VEPH1: variants seen among roughly 807,000 people sequenced by gnomAD.
VEPH1 encodes the protein ventricular zone expressed PH domain containing 1.
Under a neutral mutation model 85.2 loss-of-function variants are expected in VEPH1, and 80 were observed. The ratio of observed to expected loss-of-function variants is 0.94; its 90% CI spans 0.78 to 1.13. VEPH1 has a LOEUF of 1.13. VEPH1 is among the 50% of genes most tolerant of loss of function. The pLI is 0.00. For missense variants in VEPH1, 955 were observed against 980.5 expected, an observed-to-expected ratio of 0.97 and a Z score of 0.35; for synonymous variants, 297 against 348.0, an observed-to-expected ratio of 0.85 and a Z score of 1.63.
At chr3:157,322,903 G>A (rs954071167) in intron 9 of VEPH1, among the ~76,000 whole-genome samples, 2 of 152,178 alleles carry the variant, frequency 1.3e-5, no homozygotes, top group African/African-American at 4.8e-5. Flanking sequence ...AATGGAACTG[G>A]TAATTTGTCT....
chr3:157,443,046 G>A (rs1734264653), intron 4 of VEPH1: 1 of 1,525,740 alleles, frequency 6.6e-7, no homozygotes, highest in Non-Finnish European at 8.8e-7. Flanking sequence ...CAGTTGGGAA[G>A]GTCTGAAAAC....
chr3:157,360,394 TC>T (rs1725913070), intron 9 of VEPH1, among the ~76,000 whole-genome samples: 1 of 152,174 alleles, frequency 6.6e-6, no homozygotes, highest in South Asian at 2.1e-4. Context: ...TCCTAGGTTA[TC>T]TAGGTCATCC....
At chr3:157,304,038 T>TATATATATATATACACACACACAC in intron 11 of VEPH1, among the ~76,000 whole-genome samples, 42 of 96,860 alleles carry the variant, frequency 4.3e-4, no homozygotes, top group East Asian at 7.4e-4. Context: ...TATATATATA[T>TATATATATATATACACACACACAC]ACACACATAC....
intron 12 of VEPH1, among the ~76,000 whole-genome samples, chr3:157,270,811 T>A (rs937779508): frequency 6.6e-6 from 1 of 152,048 alleles, no homozygotes; most frequent in African/African-American, 2.4e-5. Flanking sequence ...AGATATGGCA[T>A]TTTACAAATT....
At chr3:157,290,131 G>A (rs1179627179) in intron 11 of VEPH1, among the ~76,000 whole-genome samples, 1 of 151,768 alleles carries the variant, frequency 6.6e-6, no homozygotes, top group East Asian at 1.9e-4. Context: ...GTGCTTGAAG[G>A]AACCAAATTG....
At chr3:157,330,750 C>A (rs551191437) in intron 9 of VEPH1, among the ~76,000 whole-genome samples, 12 of 152,322 alleles carry the variant, frequency 7.9e-5, no homozygotes, top group Non-Finnish European at 1.5e-4. Flanking sequence ...TCAAGAGCAG[C>A]AATCTCCTTC....
At chr3:157,467,111 G>A (rs1480866443) in intron 3 of VEPH1, among the ~76,000 whole-genome samples, 2 of 127,886 alleles carry the variant, frequency 1.6e-5, no homozygotes, top group African/African-American at 6.4e-5. Context: ...AAAAAGAAAA[G>A]TGTGTGTGTG....
At chr3:157,468,808 T>C (rs555982371) in intron 3 of VEPH1, among the ~76,000 whole-genome samples, 13 of 152,310 alleles carry the variant, frequency 8.5e-5, no homozygotes, top group Admixed American at 2.6e-4. Context: ...TTACCATCTT[T>C]GCAATTTTTA....
chr3:157,278,352 GGAA>G (rs2108325978), intron 12 of VEPH1, among the ~76,000 whole-genome samples: 1 of 152,334 alleles, frequency 6.6e-6, no homozygotes, highest in African/African-American at 2.4e-5. Flanking sequence ...CATTGTGGCA[GGAA>G]GAAGTACAGT....
chr3:157,363,581 A>G lies in VEPH1; in HGVS notation c.1518T>C (p.Ser506=). 6.2e-7 allele frequency: 1 copy of G among 1,614,126 alleles called. No homozygotes were observed. The highest frequency in any genetic ancestry group is 1.1e-5 in the South Asian group (1 of 91,078). ...TDTERSQLGE[S]SVSYPNIIHI... ...GTATAATATTTGGGTATGAAACTGA[A>G]GACTCCCCCAGCTGTGATCTCTCAG... The change falls in exon 9 of 14, where the codon TCT becomes TCC. Residue 506 remains serine (S), a synonymous_variant. Transcript: ENST00000362010.
Position 157,341,317 on chromosome 3 carries a change from G to A in VEPH1, c.1735+22047C>T, listed in dbSNP as rs373780893. 8.5e-4 allele frequency among the ~76,000 whole-genome samples: 129 copies of A among 152,318 alleles called. 2 individuals are homozygous for A. In the South Asian group the frequency reaches 0.015, roughly 17 times the overall value. Reference sequence around the variant, plus strand: ...AGGGCCAACTAGAATAACCAGTGTAGAGAAGTCCTTAAATGACTTGATGGA... The same window carrying A: ...AGGGCCAACTAGAATAACCAGTGTAAAGAAGTCCTTAAATGACTTGATGGA... On this transcript the variant is annotated intron_variant, in intron 9 of 13. Coordinates refer to ENST00000362010, the MANE Select transcript of VEPH1 (RefSeq NM_001167912.2).
intron 4 of VEPH1, among the ~76,000 whole-genome samples, chr3:157,438,874 G>A (rs564552151): frequency 6.6e-6 from 1 of 152,314 alleles, no homozygotes; most frequent in South Asian, 2.1e-4. Context: ...GAAAATCAGT[G>A]TCCTAGGTAA....
chr3:157,431,481 C>T (rs1341621475), intron 4 of VEPH1, among the ~76,000 whole-genome samples: 1 of 152,136 alleles, frequency 6.6e-6, no homozygotes, highest in Non-Finnish European at 1.5e-5. Flanking sequence ...TCTTCTGCTT[C>T]CCTTTTCCAC....
intron 11 of VEPH1, among the ~76,000 whole-genome samples, chr3:157,312,625 C>T (rs1181608052): frequency 6.6e-6 from 1 of 152,182 alleles, no homozygotes; most frequent in African/African-American, 2.4e-5. Flanking sequence ...CCAAACAATG[C>T]ACCTGGAGTC....
rs1175805649 is a variant in VEPH1 at position 157,428,346 on chromosome 3, T to A, written c.672A>T (p.Val224=). Reference sequence around the variant, plus strand: ...CCTCGAGTTGTTTTTTCTTTGCTGCTACATGCAAAAGCCGTAGTAGATGGT... The same window carrying A: ...CCTCGAGTTGTTTTTTCTTTGCTGCAACATGCAAAAGCCGTAGTAGATGGT... ...EQYHLLRLLH[V]AAKKKQLEVV... Residue 224 remains valine, a synonymous_variant, in exon 5 of 14, where the codon GTA becomes GTT. Coordinates refer to ENST00000362010, the MANE Select transcript of VEPH1 (RefSeq NM_001167912.2). 2 of 1,614,148 alleles carry A rather than the reference T, an allele frequency of 1.2e-6. No homozygotes were observed. The highest frequency in any genetic ancestry group is 1.1e-5 in the South Asian group (1 of 91,078).
intron 13 of VEPH1, among the ~76,000 whole-genome samples, chr3:157,263,446 T>G (rs1577175910): frequency 2.0e-5 from 3 of 152,308 alleles, no homozygotes; most frequent in African/African-American, 7.2e-5. Flanking sequence ...AGATTAACTC[T>G]GCTTTGTCTT....
Position 157,261,207 on chromosome 3 carries a change from C to T in VEPH1, c.2429G>A (p.Trp810Ter), listed in dbSNP as rs1712832588. The change falls in exon 14 of 14, where the codon TGG (tryptophan) becomes TAG (stop). Residue 810 changes from tryptophan (W) to a stop codon, truncating the protein, a stop_gained. Coordinates refer to ENST00000362010, the MANE Select transcript of VEPH1 (RefSeq NM_001167912.2). LOFTEE classifies it high-confidence loss of function. The part of the protein sequence containing the change: ...KAKDEKNAEE[W>*]LQCINVAVAQ... ...AACTGCCACGTTGATGCACTGGAGCCATTCTTCTGCATTCTTCTCATCCTT... is the reference window on the plus strand; with the variant it reads ...AACTGCCACGTTGATGCACTGGAGCTATTCTTCTGCATTCTTCTCATCCTT... The T allele has an allele frequency of 6.2e-7, 1 of 1,613,862 alleles. No individual in the cohort carries two copies. Among genetic ancestry groups the T allele is most frequent in the Non-Finnish European group, 8.5e-7 (1 of 1,179,808 alleles).
chr3:157,389,636 TA>T (rs1382901274), intron 6 of VEPH1, among the ~76,000 whole-genome samples: 1 of 15,340 alleles, frequency 6.5e-5, no homozygotes, highest in African/African-American at 3.7e-4. Flanking sequence ...AGCAGATAGA[TA>T]GATAGATAGA....
intron 7 of VEPH1, among the ~76,000 whole-genome samples, chr3:157,380,288 C>A (rs1238071942): frequency 1.3e-5 from 2 of 152,298 alleles, no homozygotes; most frequent in Admixed American, 1.3e-4. Flanking sequence ...ATCCTCTGCA[C>A]TGGGGCCAGG....
Sources: allele counts gnomAD v4.1 joint callset (sites outside exome capture counted in the v4.1 genomes callset), GRCh38; gene constraint gnomAD v4.1.1; transcripts MANE v1.5; gene names NCBI Gene and HGNC (gene_info 2026-07-23, HGNC 2026-07-21).